IL1RL1: variants seen among roughly 807,000 people sequenced by gnomAD.
IL1RL1 encodes interleukin 1 receptor like 1, also known as interleukin-1 receptor-like 1.
In IL1RL1, 32 loss-of-function variants were observed where a neutral mutation model predicts 50.9. The observed-to-expected ratio is 0.63, with a 90% CI of 0.47 to 0.84. IL1RL1 has a LOEUF of 0.84. Ranked by LOEUF, IL1RL1 falls within the 40% of genes least tolerant of loss-of-function variation. The probability of loss-of-function intolerance (pLI) is 0.00; values close to 1 mark genes in which losing one functional copy is unlikely to be tolerated. For synonymous variants in IL1RL1, 275 were observed against 236.0 expected (o/e 1.17, Z -1.51); for missense variants, 773 against 662.9 (o/e 1.17, Z -1.82).
chr2:102,346,194 T>A (rs1240554287), intron 8 of IL1RL1: 13 of 234,340 alleles, frequency 5.5e-5, no homozygotes, highest in Non-Finnish European at 9.1e-5. Flanking sequence ...TGTCTCCATT[T>A]TATTAACTAT....
chr2:102,332,172 A>C (rs1420103), intron 1 of IL1RL1, among the ~76,000 whole-genome samples: 118,231 of 152,138 alleles, frequency 0.78, 47,164 homozygotes, highest in African/African-American at 0.94. Context: ...CAAAAATAAT[A>C]TTGCCTTCTG....
At chr2:102,342,081 GTGTGTGTT>G (rs1677589316) in intron 5 of IL1RL1, 134 bp from the exon 6 acceptor site, 1 of 497,524 alleles carries the variant, frequency 2.0e-6, no homozygotes. Context: ...GTGTGTGTGT[GTGTGTGTT>G]TGTCATTATG....
intron 1 of IL1RL1, among the ~76,000 whole-genome samples, chr2:102,336,117 C>T (rs773021837): frequency 1.3e-5 from 2 of 152,200 alleles, no homozygotes; most frequent in Non-Finnish European, 2.9e-5. Context: ...GCTCAAAAAA[C>T]GTACTGATAA....
intron 8 of IL1RL1, chr2:102,345,653 T>C (rs1573160491): frequency 2.0e-6 from 2 of 985,320 alleles, no homozygotes; most frequent in East Asian, 2.3e-4. Context: ...GTGGGGTTTT[T>C]CTTGTTTTAA....
At position 102,351,624 on chromosome 2, in the gene IL1RL1, T is replaced by G; in HGVS notation, c.1374T>G (p.Phe458Leu). Residue 458 changes from phenylalanine (F) to leucine (L), a missense_variant, in exon 11 of 11, where the codon TTT (phenylalanine) becomes TTG (leucine). Transcript: ENST00000233954. ...LTPQITHNKE[F>L]AYEQEVALHC... ...CTCAGATCACTCACAATAAGGAGTT[T>G]GCCTACGAGCAGGAGGTTGCCCTGC... 1 of 1,614,126 alleles carries G rather than the reference T, an allele frequency of 6.2e-7. No homozygotes were observed. The highest frequency in any genetic ancestry group is 2.2e-5 in the East Asian group (1 of 44,880).
At chr2:102,315,461 A>G (rs1676650317) in intron 1 of IL1RL1, among the ~76,000 whole-genome samples, 1 of 152,192 alleles carries the variant, frequency 6.6e-6, no homozygotes, top group Non-Finnish European at 1.5e-5. Flanking sequence ...AAAGAAAATC[A>G]GAGTCTCTTG....
chr2:102,341,278 T>C, intron 5 of IL1RL1: 1 of 1,256,538 alleles, frequency 8.0e-7, no homozygotes, highest in South Asian at 1.4e-5. Flanking sequence ...TTTGTGATGG[T>C]ATACTATGGT....
intron 8 of IL1RL1, chr2:102,346,156 T>C (rs1677775171): frequency 1.3e-6 from 1 of 766,394 alleles, no homozygotes; most frequent in Non-Finnish European, 1.6e-6. Context: ...TTTCTTGAAT[T>C]TAAGAGAACA....
chr2:102,339,746 C>T lies in IL1RL1; in HGVS notation c.273-352C>T, dbSNP rs536445422. ...CTCAAAGCATTATTGTGAAAATAAA[C>T]TAAGGTAATGTGTGAAAAGTGCTCA... is the stretch of plus-strand genomic sequence containing the variant. On this transcript the variant is annotated intron_variant, in intron 3 of 10. Coordinates refer to ENST00000233954, the MANE Select transcript of IL1RL1 (RefSeq NM_016232.5). 6.6e-5 allele frequency among the ~76,000 whole-genome samples: 10 copies of T among 152,220 alleles called. No individual in the cohort carries two copies. The South Asian group carries it at 1.2e-3, about 19-fold the overall frequency.
intron 8 of IL1RL1, chr2:102,345,890 T>C (rs1054096): frequency 0.11 from 107,025 of 985,212 alleles, 6,270 homozygotes; most frequent in Middle Eastern, 0.27. Flanking sequence ...GCCTGCCCAC[T>C]CACACTGCCC....
chr2:102,314,271 A>C (rs890905735), intron 1 of IL1RL1, among the ~76,000 whole-genome samples: 1 of 152,206 alleles, frequency 6.6e-6, no homozygotes, highest in African/African-American at 2.4e-5. Flanking sequence ...GATGAAACCA[A>C]GTCCTTGCTG....
intron 8 of IL1RL1, chr2:102,343,796 G>A (rs1386464576): frequency 1.8e-5 from 20 of 1,100,062 alleles, no homozygotes; most frequent in African/African-American, 1.3e-4. Flanking sequence ...TGCATTACAT[G>A]TTGTAAGCAT....
chr2:102,344,481 T>C, intron 8 of IL1RL1: 3 of 433,628 alleles, frequency 6.9e-6, no homozygotes, highest in Non-Finnish European at 9.2e-6. Context: ...CCAGGGAGCC[T>C]TTCTTGGCCC....
rs750802989 is a variant in IL1RL1 at position 102,351,631 on chromosome 2, G to C, written c.1381G>C (p.Glu461Gln). 1 of 1,614,028 alleles carries C rather than the reference G, an allele frequency of 6.2e-7. No homozygotes were observed. Among genetic ancestry groups the C allele is most frequent in the African/African-American group, 1.3e-5 (1 of 74,992 alleles). ...QITHNKEFAYEQEVALHCALI... is the reference protein window; with the variant it reads ...QITHNKEFAYQQEVALHCALI... ...CACTCACAATAAGGAGTTTGCCTAC[G>C]AGCAGGAGGTTGCCCTGCACTGTGC... is the stretch of plus-strand genomic sequence containing the variant. Residue 461 changes from glutamate to glutamine, a missense_variant, in exon 11 of 11, where the codon GAG becomes CAG. Physicochemically the swap from Glu to Gln is conservative, Grantham distance 29. Transcript: ENST00000233954.
intron 1 of IL1RL1, among the ~76,000 whole-genome samples, chr2:102,330,219 T>G (rs1677134028): frequency 6.6e-6 from 1 of 151,984 alleles, no homozygotes. Flanking sequence ...AAACCATCAT[T>G]CTCAGCAAAC....
intron 1 of IL1RL1, among the ~76,000 whole-genome samples, chr2:102,319,666 C>T (rs954586784): frequency 1.2e-4 from 18 of 152,100 alleles, no homozygotes; most frequent in Non-Finnish European, 2.9e-5. Flanking sequence ...GGCATATTCT[C>T]AGTATCTTTT....
intron 1 of IL1RL1, among the ~76,000 whole-genome samples, chr2:102,319,312 T>C (rs1190521925): frequency 6.6e-6 from 1 of 152,200 alleles, no homozygotes; most frequent in African/African-American, 2.4e-5. Flanking sequence ...AAACTGCCTC[T>C]GCTAGCTAGG....
intron 5 of IL1RL1, among the ~76,000 whole-genome samples, chr2:102,341,662 C>T (rs376915575): frequency 6.6e-6 from 1 of 152,138 alleles, no homozygotes; most frequent in South Asian, 2.1e-4. Context: ...TACAGTGGTC[C>T]TTAATCACAC....
rs1677430595 is a variant in IL1RL1, at chr2:102,338,863, G to A, written c.88G>A (p.Glu30Lys). 1 of 1,613,320 alleles carries A rather than the reference G, an allele frequency of 6.2e-7. No individual in the cohort carries two copies. The highest frequency in any genetic ancestry group is 1.1e-5 in the South Asian group (1 of 91,070). The stretch of plus-strand genomic sequence containing the variant: ...TAAACAATCATGGGGCCTGGAAAAT[G>A]AGGCTTTAATTGTAAGATGTCCTAG... Reference protein sequence around the residue: ...FSKQSWGLENEALIVRCPRQG... With the variant: ...FSKQSWGLENKALIVRCPRQG... Residue 30 changes from glutamate to lysine, a missense_variant, in exon 3 of 11, where the codon GAG becomes AAG. Transcript: ENST00000233954.
Sources: allele counts gnomAD v4.1 joint callset (sites outside exome capture counted in the v4.1 genomes callset), GRCh38; gene constraint gnomAD v4.1.1; transcripts MANE v1.5; gene names NCBI Gene and HGNC (gene_info 2026-07-23, HGNC 2026-07-21).